LASP1: variants seen among roughly 807,000 people sequenced by gnomAD.
LASP1 encodes LIM and SH3 protein 1.
A neutral mutation model predicts 38.6 loss-of-function variants in LASP1; 10 were observed. The ratio of observed to expected loss-of-function variants is 0.26; its 90% CI spans 0.16 to 0.44. The LOEUF is 0.44. Among genes scored for constraint, LASP1 ranks in the 20% least tolerant of loss-of-function variants. The probability of loss-of-function intolerance (pLI) is 1.00; values close to 1 mark genes in which losing one functional copy is unlikely to be tolerated. For missense variants in LASP1, 243 were observed against 375.7 expected (o/e 0.65, Z 2.92); for synonymous variants, 132 against 140.8 (o/e 0.94, Z 0.44).
At chr17:38,890,580 A>C in intron 3 of LASP1, 76 bp downstream of exon 3, 1 of 1,319,264 alleles carries the variant, frequency 7.6e-7, no homozygotes, top group Non-Finnish European at 1.1e-6. Flanking sequence ...GCATTTGGCA[A>C]GAGTACCTTC....
chr17:38,904,236 G>A (rs1914718881), intron 4 of LASP1, among the ~76,000 whole-genome samples: 1 of 152,074 alleles, frequency 6.6e-6, no homozygotes, highest in Non-Finnish European at 1.5e-5. Context: ...TTAATTATGA[G>A]GGAACCAGCT....
chr17:38,908,610 G>C (rs540874696), intron 4 of LASP1, among the ~76,000 whole-genome samples: 15 of 152,352 alleles, frequency 9.8e-5, no homozygotes, highest in African/African-American at 3.4e-4. Flanking sequence ...CTGGCCTGAA[G>C]GGAGGGGGCC....
At chr17:38,885,931 G>C (rs1914112292) in intron 2 of LASP1, among the ~76,000 whole-genome samples, 1 of 152,034 alleles carries the variant, frequency 6.6e-6, no homozygotes, top group African/African-American at 2.4e-5. Flanking sequence ...TCATGCCTTT[G>C]CTTCTAGAAA....
chr17:38,885,470 C>A (rs1323709191), intron 2 of LASP1, among the ~76,000 whole-genome samples: 1 of 152,232 alleles, frequency 6.6e-6, no homozygotes, highest in Admixed American at 6.5e-5. Flanking sequence ...TCCTGTCCTA[C>A]ATGCCTCTCC....
intron 4 of LASP1, among the ~76,000 whole-genome samples, chr17:38,912,472 G>C (rs1481653587): frequency 6.6e-6 from 1 of 152,114 alleles, no homozygotes; most frequent in Non-Finnish European, 1.5e-5. Context: ...CGCTGGGCCA[G>C]GGTGCCGCAG....
chr17:38,883,082 C>T (rs1053612736), intron 2 of LASP1, among the ~76,000 whole-genome samples: 4 of 152,216 alleles, frequency 2.6e-5, no homozygotes, highest in Non-Finnish European at 5.9e-5. Flanking sequence ...AGCAAACTGT[C>T]TTTAATCCCA....
chr17:38,890,321 C>A, intron 2 of LASP1, 99 bp from the exon 3 acceptor site: 1 of 1,122,582 alleles, frequency 8.9e-7, no homozygotes, highest in Non-Finnish European at 1.3e-6. Flanking sequence ...CGTGCCCAAG[C>A]ATAGGACGAA....
intron 4 of LASP1, among the ~76,000 whole-genome samples, chr17:38,910,541 T>C (rs891198793): frequency 4.6e-5 from 7 of 151,500 alleles, no homozygotes; most frequent in Non-Finnish European, 4.4e-5. Flanking sequence ...CCATGGACCA[T>C]AGATTCCCAG....
intron 3 of LASP1, among the ~76,000 whole-genome samples, chr17:38,896,660 A>G (rs1914499850): frequency 6.6e-6 from 1 of 152,212 alleles, no homozygotes; most frequent in Non-Finnish European, 1.5e-5. Context: ...CTGGCCCTCC[A>G]CAGTGCGCTG....
At chr17:38,891,505 T>TA (rs778568847) in intron 3 of LASP1, among the ~76,000 whole-genome samples, 1 of 152,100 alleles carries the variant, frequency 6.6e-6, no homozygotes, top group Non-Finnish European at 1.5e-5. Flanking sequence ...TCCCCATTGT[T>TA]ACAGATGAGG....
chr17:38,885,077 C>T (rs559038038), intron 2 of LASP1, among the ~76,000 whole-genome samples: 6 of 152,282 alleles, frequency 3.9e-5, no homozygotes, highest in East Asian at 1.9e-4. Flanking sequence ...AGCTTGGAAA[C>T]GAGTTGGGTT....
chr17:38,910,809 G>A lies in LASP1; in HGVS notation c.358-3516G>A, dbSNP rs369986760. Among the ~76,000 whole-genome samples, 7 of 148,848 alleles carry A rather than the reference G, an allele frequency of 4.7e-5. No individual in the cohort carries two copies. In the East Asian group the frequency reaches 9.8e-4, roughly 21 times the overall value. On this transcript the variant is annotated intron_variant, in intron 4 of 6. Coordinates refer to ENST00000318008, the MANE Select transcript of LASP1 (RefSeq NM_006148.4). The stretch of plus-strand genomic sequence containing the variant: ...GTGATCTTGGCTCACTGCGACCTCC[G>A]CCTCCAAGGTTCAAGCAATTCTCGT...
intron 6 of LASP1, chr17:38,916,435 C>T (rs1322409292): frequency 6.6e-6 from 1 of 151,868 alleles, no homozygotes; most frequent in Non-Finnish European, 1.5e-5. Context: ...TGGTGTATGC[C>T]TGTAACCTGT....
In LASP1 at chr17:38,920,161, T is replaced by C. The variant is rs1915259524; in HGVS notation, c.*1383T>C. The C allele has an allele frequency of 1.9e-6, 1 of 531,948 alleles. No homozygotes were observed. The highest frequency in any genetic ancestry group is 1.9e-5 in the African/African-American group (1 of 53,952). 33.0% of individuals were successfully genotyped at this position (531,948 alleles called of 1,614,324 possible). On this transcript the variant is annotated 3_prime_UTR_variant, in exon 7 of 7. Coordinates refer to ENST00000318008, the MANE Select transcript of LASP1 (RefSeq NM_006148.4). ...GTGGAGTTGGGGCTGCCATAGGGTC[T>C]GCAGCCTGCTGGGGCTAAGCGGTGG...
At chr17:38,890,264 G>A (rs1422970958) in intron 2 of LASP1, 156 bp from the exon 3 acceptor site, 4 of 624,484 alleles carry the variant, frequency 6.4e-6, no homozygotes, top group Admixed American at 2.8e-5. Context: ...GTCTCCCCTC[G>A]GCCTTGGTGG....
intron 2 of LASP1, 162 bp from the exon 3 acceptor site, chr17:38,890,258 C>G: frequency 1.6e-6 from 1 of 616,114 alleles, no homozygotes; most frequent in South Asian, 1.9e-5. Flanking sequence ...ACGCTTGTCT[C>G]CCCTCGGCCT....
intron 6 of LASP1, chr17:38,916,520 TTG>T (rs1915132575): frequency 6.7e-6 from 1 of 149,390 alleles, no homozygotes; most frequent in African/African-American, 2.5e-5. Context: ...TGAGCCAAGA[TTG>T]CACTATTGCA....
chr17:38,870,326 A>G, intron 1 of LASP1, 68 bp downstream of exon 1: 2 of 1,563,770 alleles, frequency 1.3e-6, no homozygotes, highest in South Asian at 1.1e-5. Context: ...GGAGGAGAGA[A>G]GGGCCGGGTC....
chr17:38,890,766 A>G (rs530595543), intron 3 of LASP1, among the ~76,000 whole-genome samples: 15 of 151,640 alleles, frequency 9.9e-5, no homozygotes, highest in African/African-American at 3.4e-4. Context: ...CCTAAAGCCT[A>G]CCTCCTCCAG....
Sources: gnomAD v4.1 joint callset for allele counts (sites outside exome capture counted in the v4.1 genomes callset) on GRCh38, gnomAD v4.1.1 for gene constraint, MANE v1.5 for transcripts, NCBI Gene and HGNC (gene_info 2026-07-23, HGNC 2026-07-21) for gene names.